LIMCH1: variants seen among roughly 807,000 people sequenced by gnomAD.
LIMCH1 encodes LIM and calponin homology domains-containing protein 1.
A neutral mutation model predicts 176.5 loss-of-function variants in LIMCH1; 113 were observed. The observed-to-expected ratio is 0.64, with a 90% confidence interval of 0.55 to 0.75. The LOEUF (loss-of-function observed/expected upper bound fraction) is 0.75, where lower values mean the gene tolerates loss of function less well. Ranked by LOEUF, LIMCH1 falls within the 30% of genes least tolerant of loss-of-function variation. LIMCH1 has a pLI of 0.00. For missense variants in LIMCH1, 1,674 were observed against 1,814.9 expected (o/e 0.92, Z 1.41); for synonymous variants, 619 against 645.9 (o/e 0.96, Z 0.63).
At chr4:41,456,866 A>G (rs775033525) in intron 1 of LIMCH1, among the ~76,000 whole-genome samples, 2 of 152,114 alleles carry the variant, frequency 1.3e-5, no homozygotes, top group Non-Finnish European at 2.9e-5. Flanking sequence ...GACTTTAGCG[A>G]GACTGTCAAC....
chr4:41,614,482 T>C (rs1187190862), intron 5 of LIMCH1, among the ~76,000 whole-genome samples: 1 of 152,194 alleles, frequency 6.6e-6, no homozygotes, highest in African/African-American at 2.4e-5. Flanking sequence ...ATTTTTAAAT[T>C]GTTTCTTTTT....
intron 7 of LIMCH1, among the ~76,000 whole-genome samples, chr4:41,622,655 T>C (rs968532042): frequency 6.6e-6 from 1 of 152,162 alleles, no homozygotes; most frequent in African/African-American, 2.4e-5. Flanking sequence ...TATTAAAAAC[T>C]TTGAACTCTT....
intron 13 of LIMCH1, among the ~76,000 whole-genome samples, chr4:41,636,857 C>T (rs987481236): frequency 2.0e-5 from 3 of 152,142 alleles, no homozygotes; most frequent in Non-Finnish European, 4.4e-5. Flanking sequence ...AGTCTGTTTA[C>T]GTAGTACAAA....
At chr4:41,463,939 AACTCCAGG>A (rs1240998324) in intron 1 of LIMCH1, among the ~76,000 whole-genome samples, 2 of 151,986 alleles carry the variant, frequency 1.3e-5, no homozygotes, top group Non-Finnish European at 2.9e-5. Context: ...TCTGATCTCA[AACTCCAGG>A]GCTCCAGCTA....
rs1317585332 is a variant in LIMCH1 at position 41,632,765 on chromosome 4, C to T, written c.1618C>T (p.Arg540Ter). The change falls in exon 11 of 32, where the codon CGA becomes TGA. Residue 540 changes from arginine to a stop codon, truncating the protein, a stop_gained. Transcript: ENST00000503057. LOFTEE classifies it high-confidence loss of function. The stretch of plus-strand genomic sequence containing the variant: ...CGTCTGCAGAACAATGAATTGTGGC[C>T]GAGGTGACTATTGCAGAAGGGCCTC... Reference protein sequence around the residue: ...QNDCRTMNCGRGDYCRRASWL... With the variant: ...QNDCRTMNCG 28 of 1,536,104 alleles carry T rather than the reference C, an allele frequency of 1.8e-5. No individual in the cohort carries two copies. In the Admixed American group the frequency reaches 3.5e-4, roughly 19 times the overall value.
intron 18 of LIMCH1, among the ~76,000 whole-genome samples, chr4:41,657,384 T>G (rs983244375): frequency 2.0e-5 from 3 of 152,190 alleles, no homozygotes; most frequent in Non-Finnish European, 2.9e-5. Flanking sequence ...AGTAATGATG[T>G]GAGTACAAAA....
chr4:41,538,940 T>C (rs1056652658), intron 1 of LIMCH1, among the ~76,000 whole-genome samples: 48 of 152,182 alleles, frequency 3.2e-4, no homozygotes, highest in African/African-American at 1.1e-3. Context: ...TTGTCCTTCA[T>C]AGTCACTATT....
intron 2 of LIMCH1, among the ~76,000 whole-genome samples, chr4:41,522,629 T>C (rs538490375): frequency 6.6e-6 from 1 of 152,292 alleles, no homozygotes; most frequent in East Asian, 1.9e-4. Flanking sequence ...TTTGGAGATA[T>C]CATATCTATC....
intron 23 of LIMCH1, among the ~76,000 whole-genome samples, chr4:41,679,636 G>A (rs545424416): frequency 1.1e-4 from 17 of 152,174 alleles, no homozygotes; most frequent in African/African-American, 4.1e-4. Context: ...TCGCAGCAAT[G>A]CATTTCTATT....
At chr4:41,495,224 A>G (rs557301223) in intron 2 of LIMCH1, among the ~76,000 whole-genome samples, 9 of 152,248 alleles carry the variant, frequency 5.9e-5, no homozygotes, top group African/African-American at 2.2e-4. Flanking sequence ...ATTTATGGAT[A>G]GACGTAAATT....
Position 41,629,664 on chromosome 4 carries a change from A to G in LIMCH1, c.1201A>G (p.Ile401Val), listed in dbSNP as rs1176086254. Residue 401 changes from isoleucine to valine, a missense_variant, in exon 9 of 32, where the codon ATT (isoleucine) becomes GTT (valine). Around this residue, in one of 3 missense-constraint regions of LIMCH1, gnomAD observed 655 missense variants for 692.2 expected, o/e 0.95. Transcript: ENST00000503057. ...CCCTCACCGCGAGCCCCCGAGCTTCATTACGCTCTCCAACATAACAGAAGC... is the reference window on the plus strand; with the variant it reads ...CCCTCACCGCGAGCCCCCGAGCTTCGTTACGCTCTCCAACATAACAGAAGC... ...LAPHREPPSF[I>V]TLSNITEADL... The G allele has an allele frequency of 4.6e-6, 7 of 1,535,972 alleles. No homozygotes were observed. The highest frequency in any genetic ancestry group is 1.7e-4 in the Middle Eastern group (1 of 6,012).
At chr4:41,674,676 C>T (rs2095158368) in intron 22 of LIMCH1, among the ~76,000 whole-genome samples, 1 of 152,192 alleles carries the variant, frequency 6.6e-6, no homozygotes. Context: ...TCAGCCTAGC[C>T]TACCTTAAAC....
chr4:41,666,177 A>G (rs2094816330), intron 20 of LIMCH1, among the ~76,000 whole-genome samples: 2 of 152,210 alleles, frequency 1.3e-5, no homozygotes, highest in South Asian at 4.1e-4. Flanking sequence ...TGTTTTAATT[A>G]TCTTATGTGG....
At chr4:41,455,907 A>G (rs1324459487) in intron 1 of LIMCH1, among the ~76,000 whole-genome samples, 2 of 152,244 alleles carry the variant, frequency 1.3e-5, no homozygotes, top group Non-Finnish European at 2.9e-5. Context: ...ACTAACACAT[A>G]AGAAATCTCT....
intron 5 of LIMCH1, among the ~76,000 whole-genome samples, chr4:41,615,700 T>G (rs2091982531): frequency 6.6e-6 from 1 of 152,214 alleles, no homozygotes; most frequent in Non-Finnish European, 1.5e-5. Context: ...TTAGGAAGAT[T>G]GCTAGTCCTA....
intron 1 of LIMCH1, among the ~76,000 whole-genome samples, chr4:41,426,082 C>T (rs1163749982): frequency 2.3e-5 from 3 of 128,540 alleles, no homozygotes; most frequent in African/African-American, 6.1e-5. Flanking sequence ...AGTGCAGTGG[C>T]GGGATCTCGG....
intron 1 of LIMCH1, among the ~76,000 whole-genome samples, chr4:41,548,647 T>C (rs2079937399): frequency 6.6e-6 from 1 of 152,228 alleles, no homozygotes; most frequent in Non-Finnish European, 1.5e-5. Flanking sequence ...TAAATCCTGA[T>C]GCCTTCCAGA....
chr4:41,361,880 A>G (rs2052136202), intron 1 of LIMCH1, among the ~76,000 whole-genome samples: 1 of 152,148 alleles, frequency 6.6e-6, no homozygotes, highest in Admixed American at 6.5e-5. Flanking sequence ...GCCTTTCTGG[A>G]GGCTTAGTGG....
chr4:41,430,178 T>G (rs964412400), intron 1 of LIMCH1, among the ~76,000 whole-genome samples: 6 of 152,182 alleles, frequency 3.9e-5, no homozygotes, highest in South Asian at 2.1e-4. Context: ...TTATATTTTT[T>G]GGGGGAAATA....
Sources: allele counts gnomAD v4.1 joint callset (sites outside exome capture counted in the v4.1 genomes callset), GRCh38; gene constraint gnomAD v4.1.1; regional missense constraint gnomAD v4.1.1; transcripts MANE v1.5; gene names NCBI Gene and HGNC (gene_info 2026-07-23, HGNC 2026-07-21).